CLRN2: variants seen among roughly 807,000 people sequenced by gnomAD.
CLRN2 encodes the protein clarin-2.
Under a neutral mutation model 20.1 loss-of-function variants are expected in CLRN2, and 17 were observed. That is an observed-to-expected ratio of 0.85 (90% CI 0.58 to 1.27). The LOEUF (loss-of-function observed/expected upper bound fraction) is 1.27. Among genes scored for constraint, CLRN2 ranks in the 50% most tolerant of loss-of-function variants. CLRN2 has a pLI of 0.00. For synonymous variants in CLRN2, 140 were observed against 126.9 expected, an observed-to-expected ratio of 1.10 and a Z score of -0.70; for missense variants, 288 against 299.5, an observed-to-expected ratio of 0.96 and a Z score of 0.28.
At chr4:17,526,695 C>T (rs978404303) in intron 2 of CLRN2, 122 bp from the exon 3 acceptor site, 1 of 1,143,100 alleles carries the variant, frequency 8.7e-7, no homozygotes, top group Non-Finnish European at 1.3e-6. Context: ...CAAATTAAAA[C>T]TTATGTCTTC....
At chr4:17,520,403 A>G (rs1183822728) in intron 1 of CLRN2, among the ~76,000 whole-genome samples, 2 of 152,114 alleles carry the variant, frequency 1.3e-5, no homozygotes, top group Admixed American at 1.3e-4. Context: ...TTTTTCTCCA[A>G]TCTTTTGCTA....
Position 17,515,293 on chromosome 4 carries a change from G to A in CLRN2, c.27G>A (p.Trp9Ter). ...TGCCTGGATGGTTCAAAAAGGCGTG[G>A]TATGGGCTGGCGTCTTTACTCAGCT... MPGWFKKA[W>*]YGLASLLSFS... The change falls in exon 1 of 3, where the codon TGG becomes TGA. Residue 9 changes from tryptophan to a stop codon, truncating the protein, a stop_gained. Transcript: ENST00000511148. LOFTEE classifies it high-confidence loss of function. 1 of 1,613,962 alleles carries A rather than the reference G, an allele frequency of 6.2e-7. No homozygotes were observed. The highest frequency in any genetic ancestry group is 8.5e-7 in the Non-Finnish European group (1 of 1,179,904).
chr4:17,521,781 G>A (rs1711841954), intron 1 of CLRN2, among the ~76,000 whole-genome samples: 1 of 152,230 alleles, frequency 6.6e-6, no homozygotes, highest in Non-Finnish European at 1.5e-5. Context: ...GGTGGATACA[G>A]CTGAACCCTG....
Position 17,527,004 on chromosome 4 carries a change from G to A in CLRN2, c.621G>A (p.Ala207=), listed in dbSNP as rs142972921. Residue 207 remains alanine (A), a synonymous_variant, in exon 3 of 3, where the codon GCG becomes GCA. Transcript: ENST00000511148. ...ATGCTGCAAACTTGGTCGTGGTGGC[G>A]ATCAGTCAAATTCCCCTCCCTGAGA... ...SAHAANLVVV[A]ISQIPLPEIK... is the part of the protein sequence containing the mutation. 27 of 1,613,878 alleles carry A rather than the reference G, an allele frequency of 1.7e-5. No homozygotes were observed. The highest frequency in any genetic ancestry group is 1.9e-5 in the Non-Finnish European group (23 of 1,179,900).
chr4:17,522,949 G>A lies in CLRN2; in HGVS notation c.339G>A (p.Leu113=), dbSNP rs375017288. 6.2e-7 allele frequency: 1 copy of A among 1,614,022 alleles called. No individual in the cohort carries two copies. The highest frequency in any genetic ancestry group is 8.5e-7 in the Non-Finnish European group (1 of 1,179,892). ...LLLFLALALA[L]VSMGFAILNM... is the part of the protein sequence containing the mutation. ...TCTTCCTGGCCTTGGCCCTGGCTCT[G>A]GTCAGCATGGGCTTTGCCATTCTTA... The change falls in exon 2 of 3, where the codon CTG becomes CTA. Residue 113 remains leucine (L), a synonymous_variant. Transcript: ENST00000511148.
rs771696511 is a variant in CLRN2, at chr4:17,526,801, C to A, written c.434-16C>A. ...AAAAAGGAGCCGTGAATGAGGGTGA[C>A]CTTTTTGAGTTTCAGGCGGCGTCGT... On this transcript the variant is annotated splice_polypyrimidine_tract_variant and intron_variant, in intron 2 of 2. Transcript: ENST00000511148. 6.2e-6 allele frequency: 10 copies of A among 1,613,286 alleles called. No individual in the cohort carries two copies. Among genetic ancestry groups the A allele is most frequent in the Non-Finnish European group, 5.9e-6 (7 of 1,179,328 alleles).
intron 1 of CLRN2, among the ~76,000 whole-genome samples, chr4:17,517,007 T>A (rs1046449224): frequency 6.6e-6 from 1 of 152,194 alleles, no homozygotes; most frequent in Non-Finnish European, 1.5e-5. Context: ...ATCCTCTTCA[T>A]CTTAGGGGAA....
chr4:17,523,071 T>TATG (rs1291940726), intron 2 of CLRN2, 28 bp downstream of exon 2: 1 of 1,581,678 alleles, frequency 6.3e-7, no homozygotes, highest in Admixed American at 1.7e-5. Flanking sequence ...GAGAGAAAAT[T>TATG]ATGTCCACAC....
At chr4:17,517,884 C>T (rs990665600) in intron 1 of CLRN2, among the ~76,000 whole-genome samples, 1 of 152,140 alleles carries the variant, frequency 6.6e-6, no homozygotes, top group Non-Finnish European at 1.5e-5. Flanking sequence ...GCTTGGCTGG[C>T]TTTACCCCAG....
intron 2 of CLRN2, among the ~76,000 whole-genome samples, chr4:17,523,724 G>C (rs1171216919): frequency 6.7e-6 from 1 of 150,070 alleles, no homozygotes; most frequent in African/African-American, 2.5e-5. Flanking sequence ...GTGTGAGCAA[G>C]AGGCCATTCG....
Position 17,515,281 on chromosome 4 carries a change from C to T in CLRN2, c.15C>T (p.Phe5=). 2.5e-6 allele frequency: 4 copies of T among 1,613,836 alleles called. No individual in the cohort carries two copies. The highest frequency in any genetic ancestry group is 1.3e-5 in the African/African-American group (1 of 75,042). The part of the protein sequence containing the change: MPGW[F]KKAWYGLASL... Reference sequence around the variant, plus strand: ...CACCCACTAGCATGCCTGGATGGTTCAAAAAGGCGTGGTATGGGCTGGCGT... The same window carrying T: ...CACCCACTAGCATGCCTGGATGGTTTAAAAAGGCGTGGTATGGGCTGGCGT... The change falls in exon 1 of 3, where the codon TTC becomes TTT. Residue 5 remains phenylalanine, a synonymous_variant. Transcript: ENST00000511148.
At chr4:17,515,807 C>T (rs1262696549) in intron 1 of CLRN2, among the ~76,000 whole-genome samples, 2 of 152,190 alleles carry the variant, frequency 1.3e-5, no homozygotes, top group Non-Finnish European at 2.9e-5. Flanking sequence ...AGAGTTTACA[C>T]GTGTCAGACA....
At chr4:17,525,454 A>T (rs1577202474) in intron 2 of CLRN2, among the ~76,000 whole-genome samples, 1 of 152,104 alleles carries the variant, frequency 6.6e-6, no homozygotes, top group Admixed American at 6.6e-5. Flanking sequence ...TGGGCAACAT[A>T]GTGAGACCTC....
In CLRN2 at chr4:17,527,069, A is replaced by C; in HGVS notation, c.686A>C (p.Asp229Ala). The C allele has an allele frequency of 6.2e-7, 1 of 1,613,842 alleles. No individual in the cohort carries two copies. Residue 229 changes from aspartate (D) to alanine (A), a missense_variant, in exon 3 of 3, where the codon GAT (aspartate) becomes GCT (alanine). Physicochemically the swap from Asp to Ala is moderately radical, Grantham distance 126. Transcript: ENST00000511148. ...GAAGAGGCCACGGTCACAGCTGAGG[A>C]TATCTTGTATTAATAGCCTTCCCCT... The part of the protein sequence containing the change: ...KIEEATVTAE[D>A]ILY
chr4:17,525,274 T>C (rs1274715751), intron 2 of CLRN2, among the ~76,000 whole-genome samples: 2 of 152,174 alleles, frequency 1.3e-5, no homozygotes, highest in Non-Finnish European at 2.9e-5. Context: ...AGAGACTGTT[T>C]AGTCTCTACT....
chr4:17,520,184 C>G (rs1711802036), intron 1 of CLRN2, among the ~76,000 whole-genome samples: 1 of 152,138 alleles, frequency 6.6e-6, no homozygotes, highest in South Asian at 2.1e-4. Context: ...GAGGACTGGG[C>G]ACTCTTTACC....
Position 17,515,494 on chromosome 4 carries a change from TGGG to T in CLRN2, c.231_233del (p.Gly78del). On this transcript the variant is annotated inframe_deletion, in exon 1 of 3. Transcript: ENST00000511148. ...GGTGTAAAGTGCGGCAGTGTGGGCT[TGGG>T]GGCCGCCAATCCCAATTCACGAGTG... 1.2e-6 allele frequency: 2 copies of T among 1,613,870 alleles called. No homozygotes were observed. The highest frequency in any genetic ancestry group is 1.7e-6 in the Non-Finnish European group (2 of 1,179,852).
At chr4:17,518,106 G>C (rs1029944150) in intron 1 of CLRN2, among the ~76,000 whole-genome samples, 26 of 150,810 alleles carry the variant, frequency 1.7e-4, no homozygotes, top group Non-Finnish European at 3.6e-4. Flanking sequence ...AGTGTAGATG[G>C]GGACGTAAGT....
chr4:17,526,710 T>G, intron 2 of CLRN2, 107 bp from the exon 3 acceptor site: 1 of 1,316,838 alleles, frequency 7.6e-7, no homozygotes, highest in Non-Finnish European at 1.1e-6. Context: ...GTCTTCCTCA[T>G]AATTTTGTTA....
Sources: gnomAD v4.1 joint callset for allele counts (sites outside exome capture counted in the v4.1 genomes callset) on GRCh38, gnomAD v4.1.1 for gene constraint, MANE v1.5 for transcripts, NCBI Gene and HGNC (gene_info 2026-07-23, HGNC 2026-07-21) for gene names.